ADK: variants seen among roughly 807,000 people sequenced by gnomAD.
The protein encoded by ADK is N6,N6-dimethyladenosine kinase.
ADK carries 24 observed loss-of-function variants against 44.7 expected under a neutral mutation model. The observed-to-expected ratio is 0.54, with a 90% confidence interval of 0.39 to 0.76. ADK has a LOEUF of 0.76. Ranked by LOEUF, ADK falls within the 30% of genes least tolerant of loss-of-function variation. The probability of loss-of-function intolerance (pLI) is 0.00; values close to 1 mark genes in which losing one functional copy is unlikely to be tolerated. For synonymous variants in ADK, 128 were observed against 142.6 expected (o/e 0.90, Z 0.73); for missense variants, 321 against 425.1 (o/e 0.76, Z 2.15).
intron 4 of ADK, chr10:74,371,603 C>A: frequency 9.0e-7 from 1 of 1,109,452 alleles, no homozygotes. Flanking sequence ...CAGCAGGAAC[C>A]TGCTTAGGTG....
intron 7 of ADK, among the ~76,000 whole-genome samples, chr10:74,577,110 C>CTGTGTGTGTGTGTGTG (rs146683037): frequency 1.5e-5 from 2 of 137,328 alleles, no homozygotes; most frequent in East Asian, 2.2e-4. Flanking sequence ...TATTATTTCT[C>CTGTGTGTGTGTGTGTG]TGTGTGTGTG....
At chr10:74,596,409 G>A (rs901891606) in intron 8 of ADK, among the ~76,000 whole-genome samples, 1 of 152,046 alleles carries the variant, frequency 6.6e-6, no homozygotes, top group Non-Finnish European at 1.5e-5. Flanking sequence ...TGATTGTTTT[G>A]AGACAGCCTC....
chr10:74,355,341 C>T (rs1045839626), intron 4 of ADK, among the ~76,000 whole-genome samples: 8 of 152,178 alleles, frequency 5.3e-5, no homozygotes, highest in African/African-American at 1.4e-4. Context: ...AAAAACTTCT[C>T]TGCTGCCTGG....
At chr10:74,506,240 A>T (rs962161382) in intron 6 of ADK, 14 of 168,496 alleles carry the variant, frequency 8.3e-5, no homozygotes, top group African/African-American at 3.3e-4. Flanking sequence ...TGATGGCTCC[A>T]CAAAGTCCTC....
intron 4 of ADK, among the ~76,000 whole-genome samples, chr10:74,351,904 G>A (rs1046669785): frequency 6.6e-6 from 1 of 151,962 alleles, no homozygotes; most frequent in African/African-American, 2.4e-5. Context: ...CACTGCCCAA[G>A]AAAATAAGAG....
At chr10:74,434,315 G>A (rs1845109183) in intron 6 of ADK, among the ~76,000 whole-genome samples, 1 of 152,136 alleles carries the variant, frequency 6.6e-6, no homozygotes, top group African/African-American at 2.4e-5. Context: ...TTAGAGAAAA[G>A]TGTAGTCTGA....
At chr10:74,542,085 A>G (rs913933350) in intron 7 of ADK, among the ~76,000 whole-genome samples, 8 of 151,914 alleles carry the variant, frequency 5.3e-5, no homozygotes. Context: ...TACTAAAAAT[A>G]TAAAAATTAG....
intron 1 of ADK, among the ~76,000 whole-genome samples, chr10:74,198,145 C>A (rs189217675): frequency 1.0e-3 from 148 of 142,626 alleles, no homozygotes; most frequent in South Asian, 2.1e-3. Flanking sequence ...ATAACAAGTT[C>A]TAGGAGTTTT....
intron 6 of ADK, among the ~76,000 whole-genome samples, chr10:74,438,765 T>C (rs528198750): frequency 6.6e-6 from 1 of 152,306 alleles, no homozygotes; most frequent in Admixed American, 6.5e-5. Flanking sequence ...TGTATAATCA[T>C]TAGTTTTATT....
intron 6 of ADK, among the ~76,000 whole-genome samples, chr10:74,432,150 C>T (rs1411380769): frequency 2.6e-5 from 4 of 151,210 alleles, no homozygotes; most frequent in African/African-American, 9.7e-5. Flanking sequence ...TCCATGGTTG[C>T]ACCACTGCAC....
chr10:74,327,680 A>G (rs1343438480), intron 4 of ADK, among the ~76,000 whole-genome samples: 2 of 151,878 alleles, frequency 1.3e-5, no homozygotes, highest in African/African-American at 2.4e-5. Flanking sequence ...TGTACAACAA[A>G]CCCCCATGAC....
At chr10:74,581,712 T>C (rs761526965) in intron 7 of ADK, among the ~76,000 whole-genome samples, 6 of 151,874 alleles carry the variant, frequency 4.0e-5, no homozygotes, top group Non-Finnish European at 7.4e-5. Context: ...ATGCATTACA[T>C]ACAGAGAAAC....
intron 6 of ADK, among the ~76,000 whole-genome samples, chr10:74,445,982 A>G (rs10762616): frequency 0.61 from 92,056 of 151,952 alleles, 30,269 homozygotes; most frequent in Middle Eastern, 0.78. Context: ...TTCAGAATTA[A>G]TTGAAGCTAC....
intron 8 of ADK, among the ~76,000 whole-genome samples, chr10:74,598,550 A>C (rs1017166753): frequency 6.7e-6 from 1 of 149,462 alleles, no homozygotes; most frequent in Non-Finnish European, 1.5e-5. Flanking sequence ...CCTGGGTTCA[A>C]GCGATTCTCC....
At chr10:74,307,959 T>C (rs751278326) in intron 3 of ADK, among the ~76,000 whole-genome samples, 1 of 152,212 alleles carries the variant, frequency 6.6e-6, no homozygotes, top group African/African-American at 2.4e-5. Flanking sequence ...TACATATGAC[T>C]TTTTCTTTTT....
At chr10:74,183,160 C>T (rs368011896) in intron 1 of ADK, among the ~76,000 whole-genome samples, 6 of 152,306 alleles carry the variant, frequency 3.9e-5, no homozygotes, top group African/African-American at 1.2e-4. Context: ...GCTTTGAACT[C>T]CTGAGCTCAA....
intron 9 of ADK, among the ~76,000 whole-genome samples, chr10:74,619,895 T>A (rs1589304091): frequency 6.6e-6 from 1 of 152,148 alleles, no homozygotes; most frequent in Non-Finnish European, 1.5e-5. Context: ...TAATTTTTTT[T>A]ATTTTTATTA....
intron 3 of ADK, among the ~76,000 whole-genome samples, chr10:74,264,919 T>C (rs997656660): frequency 2.1e-4 from 32 of 152,192 alleles, no homozygotes; most frequent in African/African-American, 7.7e-4. Context: ...GTTCCATTGG[T>C]CTATTTGTCC....
chr10:74,644,205 G>A (rs1215825833), intron 9 of ADK, among the ~76,000 whole-genome samples: 1 of 152,178 alleles, frequency 6.6e-6, no homozygotes, highest in East Asian at 1.9e-4. Flanking sequence ...CTGTTAAAGA[G>A]CAGGAATAAC....
Sources: allele counts gnomAD v4.1 joint callset (sites outside exome capture counted in the v4.1 genomes callset), GRCh38; gene constraint gnomAD v4.1.1; transcripts MANE v1.5; gene names NCBI Gene and HGNC (gene_info 2026-07-23, HGNC 2026-07-21).